NCKAP5: variants seen among roughly 807,000 people sequenced by gnomAD.
NCKAP5 encodes the protein nck-associated protein 5.
A neutral mutation model predicts 167.0 loss-of-function variants in NCKAP5; 92 were observed. That is an observed-to-expected ratio of 0.55 (90% confidence interval 0.47 to 0.66). The LOEUF is 0.66. Ranked by LOEUF, NCKAP5 falls within the 30% of genes least tolerant of loss-of-function variation. The pLI is 0.00. For synonymous variants in NCKAP5, 891 were observed against 877.4 expected (o/e 1.02, Z -0.27); for missense variants, 2,378 against 2,315.0 (o/e 1.03, Z -0.56).
At chr2:132,700,907 C>A (rs1015544835) in intron 19 of NCKAP5, among the ~76,000 whole-genome samples, 3 of 125,112 alleles carry the variant, frequency 2.4e-5, no homozygotes, top group African/African-American at 9.6e-5. Context: ...CTCTTTCCTG[C>A]ATGCTGGTTA....
chr2:133,638,151 G>C, the NCKAP5 span, among the ~76,000 whole-genome samples: 4 of 152,146 alleles, frequency 2.6e-5, no homozygotes, highest in African/African-American at 9.7e-5. Flanking sequence ...AAAAATTTTA[G>C]AGTTTATTAT....
chr2:132,755,244 A>G (rs1180175084), intron 16 of NCKAP5, among the ~76,000 whole-genome samples: 1 of 152,186 alleles, frequency 6.6e-6, no homozygotes, highest in East Asian at 1.9e-4. Flanking sequence ...GAGATATTGC[A>G]TGTGCCTGGT....
chr2:133,440,943 C>G (rs1690810447), intron 3 of NCKAP5, among the ~76,000 whole-genome samples: 1 of 152,122 alleles, frequency 6.6e-6, no homozygotes, highest in Admixed American at 6.5e-5. Context: ...TTGAGACACA[C>G]AAATGAACTT....
intron 4 of NCKAP5, among the ~76,000 whole-genome samples, chr2:133,280,393 C>T (rs556059031): frequency 1.6e-4 from 24 of 151,724 alleles, no homozygotes; most frequent in Middle Eastern, 3.4e-3. Flanking sequence ...GTTTTCTGTT[C>T]GTTTGTTTAT....
At chr2:132,714,429 T>C (rs6708476) in intron 19 of NCKAP5, among the ~76,000 whole-genome samples, 78,568 of 152,020 alleles carry the variant, frequency 0.52, 20,447 homozygotes, top group East Asian at 0.75. Flanking sequence ...TCTAATGTCA[T>C]ATCTGAAACA....
At chr2:133,398,343 T>C (rs1329934221) in intron 3 of NCKAP5, among the ~76,000 whole-genome samples, 2 of 152,226 alleles carry the variant, frequency 1.3e-5, no homozygotes, top group Non-Finnish European at 2.9e-5. Context: ...GATGATGGGC[T>C]GATAGGTACA....
At chr2:133,246,656 T>TG (rs1232330942) in intron 4 of NCKAP5, among the ~76,000 whole-genome samples, 1 of 152,220 alleles carries the variant, frequency 6.6e-6, no homozygotes, top group African/African-American at 2.4e-5. Context: ...TACATGTGTG[T>TG]GTGTATATAT....
At chr2:132,879,030 G>T in intron 8 of NCKAP5, 114 bp from the exon 9 acceptor site, 1 of 809,098 alleles carries the variant, frequency 1.2e-6, no homozygotes, top group Non-Finnish European at 2.1e-6. Flanking sequence ...CAATCTTTTA[G>T]AAGTACCTAT....
intron 3 of NCKAP5, among the ~76,000 whole-genome samples, chr2:133,447,154 C>T (rs997376156): frequency 2.0e-5 from 3 of 152,118 alleles, no homozygotes; most frequent in Admixed American, 6.5e-5. Context: ...CATCTCTACC[C>T]GCCATCAATT....
At chr2:133,016,149 G>T (rs1559053163) in intron 6 of NCKAP5, among the ~76,000 whole-genome samples, 1 of 152,180 alleles carries the variant, frequency 6.6e-6, no homozygotes, top group Non-Finnish European at 1.5e-5. Context: ...TCAGATGACA[G>T]TAAAATAAGT....
At chr2:133,287,813 G>A (rs1436349203) in intron 4 of NCKAP5, among the ~76,000 whole-genome samples, 11 of 152,168 alleles carry the variant, frequency 7.2e-5, no homozygotes, top group Non-Finnish European at 2.9e-5. Flanking sequence ...GTTAGGGCTT[G>A]TCTATTTGGA....
chr2:133,107,301 A>T (rs2081739906), intron 6 of NCKAP5, among the ~76,000 whole-genome samples: 1 of 152,198 alleles, frequency 6.6e-6, no homozygotes, highest in Non-Finnish European at 1.5e-5. Context: ...CTGTGGCTGC[A>T]TGTCGAGTCA....
At chr2:133,293,788 T>C (rs1180349468) in intron 4 of NCKAP5, among the ~76,000 whole-genome samples, 1 of 152,156 alleles carries the variant, frequency 6.6e-6, no homozygotes, top group South Asian at 2.1e-4. Context: ...ACTCTTATCC[T>C]GGCAGGGGTC....
the NCKAP5 span, among the ~76,000 whole-genome samples, chr2:133,597,672 T>TAA: frequency 3.9e-5 from 1 of 25,756 alleles, no homozygotes; most frequent in African/African-American, 2.7e-4. Flanking sequence ...AGACTCTGTC[T>TAA]CAAAAAAAAA....
chr2:133,020,746 GA>G (rs149135434), intron 6 of NCKAP5, among the ~76,000 whole-genome samples: 1 of 152,328 alleles, frequency 6.6e-6, no homozygotes, highest in East Asian at 1.9e-4. Flanking sequence ...AGGCTAGGAG[GA>G]AGGCGGCTGT....
upstream of NCKAP5, among the ~76,000 whole-genome samples, chr2:133,569,568 A>C (rs1017425158): frequency 6.6e-6 from 1 of 152,150 alleles, no homozygotes; most frequent in Admixed American, 6.5e-5. Flanking sequence ...TCCTAAACAG[A>C]AATGTGGGAG....
chr2:133,189,781 A>G (rs902562228), intron 5 of NCKAP5, among the ~76,000 whole-genome samples: 5 of 152,210 alleles, frequency 3.3e-5, no homozygotes, highest in Non-Finnish European at 7.3e-5. Context: ...CCTCAAAATA[A>G]TAAGAGCTAT....
chr2:133,326,908 G>A (rs1297619184), intron 3 of NCKAP5, among the ~76,000 whole-genome samples: 1 of 152,204 alleles, frequency 6.6e-6, no homozygotes. Flanking sequence ...ATCAGAATCT[G>A]TTCAAGAATC....
chr2:132,958,267 C>T (rs2076401001), intron 8 of NCKAP5, among the ~76,000 whole-genome samples: 1 of 152,142 alleles, frequency 6.6e-6, no homozygotes, highest in African/African-American at 2.4e-5. Context: ...CCCATTACAT[C>T]CCTCTAGTCC....
Sources: gnomAD v4.1 joint callset for allele counts (sites outside exome capture counted in the v4.1 genomes callset) on GRCh38, gnomAD v4.1.1 for gene constraint, MANE v1.5 for transcripts, NCBI Gene and HGNC (gene_info 2026-07-23, HGNC 2026-07-21) for gene names.